The following AUTS2 variants were observed in gnomAD, a reference collection of about 807,000 sequenced individuals.
The protein encoded by AUTS2 is autism susceptibility gene 2 protein.
Under a neutral mutation model 112.4 loss-of-function variants are expected in AUTS2, and 17 were observed. That is an observed-to-expected ratio of 0.15 (90% CI 0.10 to 0.23). The LOEUF (loss-of-function observed/expected upper bound fraction) is 0.23. AUTS2 is among the 10% of genes least tolerant of loss of function. The probability of loss-of-function intolerance (pLI) is 1.00; values close to 1 mark genes in which losing one functional copy is unlikely to be tolerated. For synonymous variants in AUTS2, 751 were observed against 702.7 expected, an observed-to-expected ratio of 1.07 and a Z score of -1.09; for missense variants, 1,510 against 1,701.6, an observed-to-expected ratio of 0.89 and a Z score of 1.98.
At chr7:70,597,122 G>A (rs1002503537) in intron 5 of AUTS2, among the ~76,000 whole-genome samples, 1 of 152,194 alleles carries the variant, frequency 6.6e-6, no homozygotes, top group African/African-American at 2.4e-5. Context: ...TAACCAATGA[G>A]TTGAAATGAA....
intron 1 of AUTS2, among the ~76,000 whole-genome samples, chr7:69,665,884 A>G (rs1325118570): frequency 6.6e-6 from 1 of 152,018 alleles, no homozygotes; most frequent in Non-Finnish European, 1.5e-5. Flanking sequence ...CTTGATTTCT[A>G]TTATTGTGTG....
At chr7:69,712,084 G>A (rs535302969) in intron 1 of AUTS2, among the ~76,000 whole-genome samples, 10 of 152,096 alleles carry the variant, frequency 6.6e-5, no homozygotes, top group South Asian at 2.1e-4. Context: ...CTCCCATATC[G>A]CACTTCATCC....
intron 2 of AUTS2, among the ~76,000 whole-genome samples, chr7:70,057,862 C>A (rs928102349): frequency 6.6e-5 from 10 of 152,210 alleles, no homozygotes; most frequent in African/African-American, 2.2e-4. Context: ...ATGTTACCAT[C>A]ACTTTTATTG....
intron 4 of AUTS2, among the ~76,000 whole-genome samples, chr7:70,216,942 C>A (rs146142424): frequency 3.9e-5 from 6 of 152,104 alleles, no homozygotes; most frequent in African/African-American, 1.4e-4. Context: ...CAGAATCTTG[C>A]GCTGTCACCC....
At chr7:70,387,165 A>G (rs938882245) in intron 4 of AUTS2, among the ~76,000 whole-genome samples, 20 of 152,142 alleles carry the variant, frequency 1.3e-4, no homozygotes, top group Non-Finnish European at 1.8e-4. Flanking sequence ...AAACCTTTTG[A>G]AAGCACAGTT....
intron 5 of AUTS2, among the ~76,000 whole-genome samples, chr7:70,627,414 A>G (rs1257385352): frequency 1.3e-5 from 2 of 152,138 alleles, no homozygotes; most frequent in Admixed American, 1.3e-4. Context: ...TCAGATGCAT[A>G]ATTTGCAAAT....
chr7:69,957,317 G>A (rs1398754427), intron 2 of AUTS2, among the ~76,000 whole-genome samples: 1 of 151,160 alleles, frequency 6.6e-6, no homozygotes, highest in East Asian at 1.9e-4. Flanking sequence ...GGTACAAACA[G>A]CGACTATATA....
chr7:69,946,147 G>C (rs976997186), intron 2 of AUTS2, among the ~76,000 whole-genome samples: 4 of 152,050 alleles, frequency 2.6e-5, no homozygotes, highest in African/African-American at 9.7e-5. Flanking sequence ...ACACACAGCC[G>C]AATTTGATTT....
chr7:70,185,257 C>CTTTTTTTTTTTTTTTTTTTTTTTTTT (rs35215443), intron 4 of AUTS2, among the ~76,000 whole-genome samples: 7 of 87,118 alleles, frequency 8.0e-5, no homozygotes, highest in East Asian at 3.7e-4. Context: ...TGACATTAAA[C>CTTTTTTTTTTTTTTTTTTTTTTTTTT]TTTTTTTTTT....
At chr7:70,144,569 G>A (rs1423877248) in intron 4 of AUTS2, among the ~76,000 whole-genome samples, 3 of 152,020 alleles carry the variant, frequency 2.0e-5, no homozygotes, top group South Asian at 2.1e-4. Context: ...TTTCTAAATT[G>A]CCCACTTTAC....
In AUTS2 at chr7:70,235,010, C is replaced by T. The variant is rs139919831; in HGVS notation, c.660+100439C>T. Among the ~76,000 whole-genome samples the T allele has an allele frequency of 2.0e-5, 3 of 152,216 alleles. No individual in the cohort carries two copies. In the East Asian group the frequency reaches 5.8e-4, roughly 29 times the overall value. ...AATATTCACATAAAAGATTCACTAGCTACTGTTAATAATTGAAGGACTTTC... is the reference window on the plus strand; with the variant it reads ...AATATTCACATAAAAGATTCACTAGTTACTGTTAATAATTGAAGGACTTTC... On this transcript the variant is annotated intron_variant, in intron 4 of 18. Coordinates refer to ENST00000342771, the MANE Select transcript of AUTS2 (RefSeq NM_015570.4).
At chr7:69,857,614 T>C (rs1296070103) in intron 1 of AUTS2, among the ~76,000 whole-genome samples, 1 of 152,232 alleles carries the variant, frequency 6.6e-6, no homozygotes, top group African/African-American at 2.4e-5. Context: ...TCATTTATTA[T>C]ACAGAAGTTT....
rs1805232176 is a variant in AUTS2 at position 70,631,056 on chromosome 7, G to T, written c.691-67513G>T. Among the ~76,000 whole-genome samples, 1 of 152,234 alleles carries T rather than the reference G, an allele frequency of 6.6e-6. No homozygotes were observed. The highest frequency in any genetic ancestry group is 1.9e-4 in the East Asian group (1 of 5,174). ...CCACAGGCTCGGCGCAGTAAGTTCA[G>T]ATTATTGCTCAGTCTGTCAGAATGG... On this transcript the variant is annotated intron_variant, in intron 5 of 18. Coordinates refer to ENST00000342771, the MANE Select transcript of AUTS2 (RefSeq NM_015570.4). The surrounding 1 kb of genome is among the most constrained non-coding windows in gnomAD (Gnocchi z 4.5).
At chr7:69,712,656 C>T (rs1171765391) in intron 1 of AUTS2, among the ~76,000 whole-genome samples, 1 of 152,010 alleles carries the variant, frequency 6.6e-6, no homozygotes, top group Non-Finnish European at 1.5e-5. Context: ...CAGCTTTTTG[C>T]AGTTATAAAT....
At chr7:69,647,196 A>T (rs1795064461) in intron 1 of AUTS2, among the ~76,000 whole-genome samples, 1 of 152,132 alleles carries the variant, frequency 6.6e-6, no homozygotes, top group South Asian at 2.1e-4. Flanking sequence ...TCCAGATAAC[A>T]GTTTACCGTT....
chr7:70,181,482 CTTTTTTTTTTCT>C (rs965112726), intron 4 of AUTS2, among the ~76,000 whole-genome samples: 4 of 148,620 alleles, frequency 2.7e-5, no homozygotes, highest in African/African-American at 4.9e-5. Flanking sequence ...CTAAAGTTAA[CTTTTTTTTTTCT>C]TTTTTTTTTT....
At chr7:69,666,239 G>C (rs1481977308) in intron 1 of AUTS2, among the ~76,000 whole-genome samples, 1 of 152,160 alleles carries the variant, frequency 6.6e-6, no homozygotes, top group Admixed American at 6.5e-5. Context: ...AAAAATGTCT[G>C]TCTTCTGACC....
In AUTS2 at chr7:70,763,225, C is replaced by G; in HGVS notation, c.1098C>G (p.Ser366=). The part of the protein sequence containing the change: ...PQVQRPPRPQ[S]PTQLLHQNLP... The stretch of plus-strand genomic sequence containing the variant: ...TGCAGAGGCCACCCAGGCCACAGTC[C>G]CCCACCCAGCTGCTCCATCAGAACC... The change falls in exon 7 of 19, where the codon TCC becomes TCG. Residue 366 remains serine, a synonymous_variant. Coordinates refer to ENST00000342771, the MANE Select transcript of AUTS2 (RefSeq NM_015570.4). 1 of 1,614,074 alleles carries G rather than the reference C, an allele frequency of 6.2e-7. No individual in the cohort carries two copies. The highest frequency in any genetic ancestry group is 1.7e-5 in the Admixed American group (1 of 60,018).
chr7:70,380,829 A>G (rs1044791645), intron 4 of AUTS2, among the ~76,000 whole-genome samples: 4 of 152,274 alleles, frequency 2.6e-5, no homozygotes, highest in Admixed American at 1.3e-4. Flanking sequence ...CAAAAGCCAC[A>G]GTCTCATGAC....
Sources: allele counts gnomAD v4.1 joint callset (sites outside exome capture counted in the v4.1 genomes callset), GRCh38; gene constraint gnomAD v4.1.1; non-coding constraint Gnocchi (gnomAD v3.1); transcripts MANE v1.5; gene names NCBI Gene and HGNC (gene_info 2026-07-23, HGNC 2026-07-21).